Variants in CLPB observed in about 807,000 individuals in gnomAD.
The protein encoded by CLPB is ClpB family mitochondrial disaggregase, also known as mitochondrial disaggregase.
A neutral mutation model predicts 78.4 loss-of-function variants in CLPB; 40 were observed. That is an observed-to-expected ratio of 0.51 (90% confidence interval 0.40 to 0.66). The LOEUF (loss-of-function observed/expected upper bound fraction) is 0.66, where lower values mean the gene tolerates loss of function less well. Among genes scored for constraint, CLPB ranks in the 30% least tolerant of loss-of-function variants. The pLI is 0.00. For synonymous variants in CLPB, 333 were observed against 348.0 expected, an observed-to-expected ratio of 0.96 and a Z score of 0.48; for missense variants, 780 against 886.9, an observed-to-expected ratio of 0.88 and a Z score of 1.53.
rs191013924 is a variant in CLPB, at chr11:72,420,827, C to T, written c.455+9485G>A. ...GTAAAGCCCCGTTCTTAGAGCCAGTCGGCAACCTTTGATATACAAATGAAG... is the reference window on the plus strand; with the variant it reads ...GTAAAGCCCCGTTCTTAGAGCCAGTTGGCAACCTTTGATATACAAATGAAG... On this transcript the variant is annotated intron_variant, in intron 2 of 15. Transcript: ENST00000538039. Among the ~76,000 whole-genome samples, 83 of 152,276 alleles carry T rather than the reference C, an allele frequency of 5.5e-4. No individual in the cohort carries two copies. The Middle Eastern group carries it at 0.01, about 19-fold the overall frequency.
In CLPB at chr11:72,391,686, C is replaced by T. The variant is rs139777492; in HGVS notation, c.542+11280G>A. Among the ~76,000 whole-genome samples the T allele has an allele frequency of 1.4e-3, 206 of 152,314 alleles. 1 individual carries two copies. The highest frequency in any genetic ancestry group is 4.9e-3 in the African/African-American group (202 of 41,576). On this transcript the variant is annotated intron_variant, in intron 3 of 15. Coordinates refer to ENST00000538039, the MANE Select transcript of CLPB (RefSeq NM_001258392.3). The stretch of plus-strand genomic sequence containing the variant: ...CTGCGGGTGGTTTAGCTGTGGAAAA[C>T]GTATATGTTCCTCTCCTGAACAGTA...
At chr11:72,314,299 A>AGCT (rs1434099429) in intron 7 of CLPB, among the ~76,000 whole-genome samples, 1 of 152,204 alleles carries the variant, frequency 6.6e-6, no homozygotes, top group Admixed American at 6.5e-5. Context: ...GCTCCGAGAA[A>AGCT]GCTGCCGGGT....
At chr11:72,390,445 A>G (rs888521029) in intron 3 of CLPB, among the ~76,000 whole-genome samples, 4 of 151,082 alleles carry the variant, frequency 2.6e-5, no homozygotes, top group African/African-American at 9.7e-5. Flanking sequence ...CAAAAAAAAA[A>G]CGAAATAGAA....
intron 4 of CLPB, among the ~76,000 whole-genome samples, chr11:72,375,800 C>CGG (rs1453503527): frequency 1.3e-5 from 2 of 152,176 alleles, no homozygotes; most frequent in Admixed American, 6.5e-5. Context: ...GGTAAGAACA[C>CGG]GCTGAATTAT....
chr11:72,386,913 A>G (rs1380284501), intron 3 of CLPB, among the ~76,000 whole-genome samples: 1 of 152,200 alleles, frequency 6.6e-6, no homozygotes, highest in African/African-American at 2.4e-5. Context: ...GATTGGCATT[A>G]GTCAGTCTTC....
In CLPB at chr11:72,339,795, G is replaced by A. The variant is rs142200671; in HGVS notation, c.776-9991C>T. Among the ~76,000 whole-genome samples, 167 of 152,314 alleles carry A rather than the reference G, an allele frequency of 1.1e-3. 1 individual carries two copies. The highest frequency in any genetic ancestry group is 3.9e-3 in the African/African-American group (161 of 41,562). ...CTTTGATTACAGACCTCAGCACATG[G>A]AAGGCTGGCTTTAGTTTAGATTAAG... On this transcript the variant is annotated intron_variant, in intron 5 of 15. Coordinates refer to ENST00000538039, the MANE Select transcript of CLPB (RefSeq NM_001258392.3).
At chr11:72,420,699 A>C (rs989587556) in intron 2 of CLPB, among the ~76,000 whole-genome samples, 1 of 152,200 alleles carries the variant, frequency 6.6e-6, no homozygotes, top group Non-Finnish European at 1.5e-5. Context: ...GAATCCACAG[A>C]TACTGGTGTT....
intron 2 of CLPB, 123 bp from the exon 3 acceptor site, chr11:72,403,175 A>T: frequency 1.1e-6 from 1 of 921,972 alleles, no homozygotes. Flanking sequence ...AAAAGTAGAA[A>T]CAACCATAGA....
intron 7 of CLPB, among the ~76,000 whole-genome samples, chr11:72,310,765 G>A (rs938145965): frequency 1.3e-5 from 2 of 152,148 alleles, no homozygotes; most frequent in African/African-American, 2.4e-5. Context: ...ATCCCCCTAC[G>A]TGGGTTCTGC....
intron 5 of CLPB, among the ~76,000 whole-genome samples, chr11:72,348,313 A>G (rs1202442198): frequency 6.6e-6 from 1 of 152,220 alleles, no homozygotes; most frequent in Non-Finnish European, 1.5e-5. Context: ...ACACATAAAC[A>G]ACAGACAGTC....
chr11:72,311,845 C>T (rs1949853071), intron 7 of CLPB, among the ~76,000 whole-genome samples: 2 of 152,248 alleles, frequency 1.3e-5, no homozygotes, highest in Non-Finnish European at 2.9e-5. Context: ...GCAGGCTGCT[C>T]TGCCTCCCAG....
chr11:72,421,467 G>A (rs1301204605), intron 2 of CLPB, among the ~76,000 whole-genome samples: 3 of 152,184 alleles, frequency 2.0e-5, no homozygotes, highest in East Asian at 1.9e-4. Flanking sequence ...AGTGATGACC[G>A]AAGGATGAGG....
At chr11:72,354,629 C>T in intron 5 of CLPB, 1 of 328,832 alleles carries the variant, frequency 3.0e-6, no homozygotes, top group Non-Finnish European at 5.5e-6. Context: ...CACCTGCATT[C>T]AAGTGCTGAA....
intron 3 of CLPB, 121 bp from the exon 4 acceptor site, chr11:72,380,505 G>GA (rs1337391301): frequency 1.4e-5 from 10 of 722,172 alleles, no homozygotes; most frequent in African/African-American, 1.1e-4. Flanking sequence ...GATACGGTGG[G>GA]AAAAAAACCA....
intron 3 of CLPB, among the ~76,000 whole-genome samples, chr11:72,385,632 G>T (rs1855051978): frequency 6.6e-6 from 1 of 152,194 alleles, no homozygotes; most frequent in Non-Finnish European, 1.5e-5. Context: ...AGACCAGCCT[G>T]GCCAACATGG....
chr11:72,303,764 G>A (rs1269689418), intron 9 of CLPB: 1 of 152,286 alleles, frequency 6.6e-6, no homozygotes, highest in Non-Finnish European at 1.5e-5. Context: ...TATTTACTAT[G>A]TGCCTGGCAA....
rs140963713 is a variant in CLPB at position 72,293,423 on chromosome 11, G to A, written c.1978C>T (p.Arg660Cys). Reference protein sequence around the residue: ...LEIIDKDSKTRRLDIRAPLHP... With the variant: ...LEIIDKDSKTCRLDIRAPLHP... ...AGTGGTGCCCGGATGTCCAGTCTGCGAGTCTTGCTGTCCTTGTCGATGATC... is the reference window on the plus strand; with the variant it reads ...AGTGGTGCCCGGATGTCCAGTCTGCAAGTCTTGCTGTCCTTGTCGATGATC... The change falls in exon 16 of 16, where the codon CGC (arginine) becomes TGC (cysteine). Residue 660 changes from arginine to cysteine, a missense_variant. Coordinates refer to ENST00000538039, the MANE Select transcript of CLPB (RefSeq NM_001258392.3). 22 of 1,614,054 alleles carry A rather than the reference G, an allele frequency of 1.4e-5. No individual in the cohort carries two copies. The African/African-American group carries it at 1.7e-4, about 13-fold the overall frequency.
chr11:72,364,496 T>TG (rs1293249585), intron 4 of CLPB, among the ~76,000 whole-genome samples: 2 of 151,926 alleles, frequency 1.3e-5, no homozygotes, highest in Non-Finnish European at 2.9e-5. Flanking sequence ...TGTGAGTCAC[T>TG]GCGCCCGGCC....
At chr11:72,404,916 C>G (rs1184840263) in intron 2 of CLPB, among the ~76,000 whole-genome samples, 1 of 152,174 alleles carries the variant, frequency 6.6e-6, no homozygotes, top group Non-Finnish European at 1.5e-5. Context: ...AAACAATTTT[C>G]TATGGCCAAG....
Sources: allele counts gnomAD v4.1 joint callset (sites outside exome capture counted in the v4.1 genomes callset), GRCh38; gene constraint gnomAD v4.1.1; transcripts MANE v1.5; gene names NCBI Gene and HGNC (gene_info 2026-07-23, HGNC 2026-07-21).